The following MEF2A variants were observed in gnomAD, a reference collection of about 807,000 sequenced individuals.
MEF2A encodes myocyte-specific enhancer factor 2A.
MEF2A carries 28 observed loss-of-function variants against 55.8 expected under a neutral mutation model. The observed-to-expected ratio is 0.50, with a 90% CI of 0.37 to 0.69. The LOEUF (loss-of-function observed/expected upper bound fraction) is 0.69, where lower values mean the gene tolerates loss of function less well. Among genes scored for constraint, MEF2A ranks in the 30% least tolerant of loss-of-function variants. MEF2A has a pLI of 0.00. For missense variants in MEF2A, 528 were observed against 626.2 expected, an observed-to-expected ratio of 0.84 and a Z score of 1.67; for synonymous variants, 239 against 227.1, an observed-to-expected ratio of 1.05 and a Z score of -0.47.
intron 5 of MEF2A, among the ~76,000 whole-genome samples, chr15:99,673,461 A>C (rs556667197): frequency 3.9e-5 from 6 of 152,328 alleles, no homozygotes; most frequent in African/African-American, 1.4e-4. Flanking sequence ...ATAAAGTACA[A>C]TAAAATATAT....
chr15:99,682,497 A>G (rs78292687), intron 7 of MEF2A, among the ~76,000 whole-genome samples: 5,411 of 152,336 alleles, frequency 0.036, 141 homozygotes, highest in Middle Eastern at 0.075. Context: ...TATCTGAAAA[A>G]TATCTTCATT....
intron 5 of MEF2A, 136 bp downstream of exon 5, chr15:99,671,590 A>C (rs1326741833): frequency 1.9e-6 from 3 of 1,606,116 alleles, no homozygotes; most frequent in South Asian, 1.1e-5. Context: ...CTAACTCCAC[A>C]TACAGAAGAA....
intron 6 of MEF2A, 62 bp from the exon 7 acceptor site, chr15:99,675,337 G>A: frequency 8.7e-6 from 12 of 1,378,634 alleles, no homozygotes; most frequent in Non-Finnish European, 1.1e-5. Flanking sequence ...CGTTCAGTTA[G>A]GTAAAGAGAG....
intron 3 of MEF2A, among the ~76,000 whole-genome samples, chr15:99,645,094 G>C (rs562794927): frequency 6.6e-6 from 1 of 152,278 alleles, no homozygotes; most frequent in East Asian, 1.9e-4. Flanking sequence ...GGAATTTGCT[G>C]ATCCCAGACT....
chr15:99,616,852 A>C (rs2040266174), intron 2 of MEF2A, among the ~76,000 whole-genome samples: 1 of 152,154 alleles, frequency 6.6e-6, no homozygotes, highest in Admixed American at 6.5e-5. Context: ...TACAGTAAGA[A>C]AAAGCCTATC....
chr15:99,570,794 T>A (rs1961865759), intron 1 of MEF2A, among the ~76,000 whole-genome samples: 1 of 150,840 alleles, frequency 6.6e-6, no homozygotes. Context: ...GATCTATATG[T>A]CATTTCTTCT....
intron 3 of MEF2A, 89 bp from the exon 4 acceptor site, chr15:99,645,472 C>T: frequency 3.2e-6 from 3 of 944,062 alleles, no homozygotes; most frequent in Non-Finnish European, 4.8e-6. Context: ...AAATCTGGCT[C>T]AGTATTAAGA....
At chr15:99,577,782 G>C (rs1260589841) in intron 1 of MEF2A, among the ~76,000 whole-genome samples, 2 of 151,698 alleles carry the variant, frequency 1.3e-5, no homozygotes, top group African/African-American at 4.8e-5. Context: ...CATTTTTTTT[G>C]TTGTCTTTAT....
chr15:99,576,903 T>C (rs980737098), intron 1 of MEF2A, among the ~76,000 whole-genome samples: 1 of 152,168 alleles, frequency 6.6e-6, no homozygotes, highest in Admixed American at 6.5e-5. Context: ...CACCTCGGCC[T>C]CCCAAAGTGC....
At chr15:99,585,119 G>A (rs1278931451) in intron 1 of MEF2A, among the ~76,000 whole-genome samples, 1 of 152,140 alleles carries the variant, frequency 6.6e-6, no homozygotes, top group African/African-American at 2.4e-5. Context: ...ACTTGGGCTG[G>A]AATTGTGCTT....
At chr15:99,565,434 G>C (rs1161563215), upstream of MEF2A, 3 of 149,134 alleles carry the variant, frequency 2.0e-5, no homozygotes, top group Non-Finnish European at 4.5e-5. Context: ...CACGCGCCGC[G>C]TCACCGGGCC....
chr15:99,692,030 T>C (rs930693588), intron 8 of MEF2A, among the ~76,000 whole-genome samples: 6 of 152,210 alleles, frequency 3.9e-5, no homozygotes, highest in African/African-American at 1.4e-4. Context: ...ACTACTACCA[T>C]ACTAAATGAT....
intron 7 of MEF2A, among the ~76,000 whole-genome samples, chr15:99,685,615 C>T (rs1046999012): frequency 2.0e-5 from 3 of 151,994 alleles, no homozygotes; most frequent in Non-Finnish European, 2.9e-5. Flanking sequence ...GCCAGTTTTG[C>T]TTATTGACTT....
rs1187693675 is a variant in MEF2A, at chr15:99,707,645, C to T, written c.1009+790C>T. 2.0e-5 allele frequency among the ~76,000 whole-genome samples: 3 copies of T among 152,166 alleles called. No homozygotes were observed. The East Asian group carries it at 5.8e-4, about 29-fold the overall frequency. On this transcript the variant is annotated intron_variant, in intron 10 of 11. Coordinates refer to ENST00000557942, the MANE Select transcript of MEF2A (RefSeq NM_001319206.4). ...GAAAACACATGTGGTTTCGCTTTCTCATCAGCTGAGCCAAACACCTGATGC... is the reference window on the plus strand; with the variant it reads ...GAAAACACATGTGGTTTCGCTTTCTTATCAGCTGAGCCAAACACCTGATGC...
At chr15:99,633,609 A>G (rs150945389) in intron 3 of MEF2A, among the ~76,000 whole-genome samples, 37 of 152,322 alleles carry the variant, frequency 2.4e-4, no homozygotes, top group African/African-American at 7.7e-4. Flanking sequence ...TGGTTAACCA[A>G]TATGTAATGA....
At chr15:99,637,890 G>A (rs138585607) in intron 3 of MEF2A, among the ~76,000 whole-genome samples, 2,108 of 152,164 alleles carry the variant, frequency 0.014, 20 homozygotes, top group South Asian at 0.029. Context: ...TGATCTGCCC[G>A]CCTCGGCCTC....
At chr15:99,604,602 A>G (rs1465324902) in intron 2 of MEF2A, among the ~76,000 whole-genome samples, 2 of 150,038 alleles carry the variant, frequency 1.3e-5, no homozygotes, top group Non-Finnish European at 3.0e-5. Flanking sequence ...ATCTCTTCAT[A>G]TTGATTGACT....
chr15:99,607,131 T>C (rs1975451931), intron 2 of MEF2A, among the ~76,000 whole-genome samples: 1 of 152,090 alleles, frequency 6.6e-6, no homozygotes, highest in Admixed American at 6.5e-5. Context: ...CTATGATGAT[T>C]AGGGATATGT....
At chr15:99,681,167 A>G (rs1342631559) in intron 7 of MEF2A, among the ~76,000 whole-genome samples, 1 of 152,240 alleles carries the variant, frequency 6.6e-6, no homozygotes, top group East Asian at 1.9e-4. Flanking sequence ...AGAAAGAGAA[A>G]AAACATATAT....
Sources: allele counts gnomAD v4.1 joint callset (sites outside exome capture counted in the v4.1 genomes callset), GRCh38; gene constraint gnomAD v4.1.1; transcripts MANE v1.5; gene names NCBI Gene and HGNC (gene_info 2026-07-23, HGNC 2026-07-21).